The following EPG5 variants were observed in gnomAD, a reference collection of about 807,000 sequenced individuals.
EPG5 encodes ectopic P-granules 5 autophagy tethering factor.
Under a neutral mutation model 302.7 loss-of-function variants are expected in EPG5, and 159 were observed. The ratio of observed to expected loss-of-function variants is 0.53; its 90% CI spans 0.46 to 0.60. The LOEUF is 0.60. EPG5 is among the 20% of genes least tolerant of loss of function. The pLI is 0.00. For synonymous variants in EPG5, 1,158 were observed against 1,136.8 expected, an observed-to-expected ratio of 1.02 and a Z score of -0.37; for missense variants, 2,896 against 3,092.4, an observed-to-expected ratio of 0.94 and a Z score of 1.51.
At chr18:45,953,156 G>A in intron 2 of EPG5, 1 of 402,114 alleles carries the variant, frequency 2.5e-6, no homozygotes, top group Non-Finnish European at 3.4e-6. Flanking sequence ...CTGGGCGACA[G>A]AGCTAGACTC....
At chr18:45,917,069 T>C (rs1000933196) in intron 17 of EPG5, among the ~76,000 whole-genome samples, 2 of 152,188 alleles carry the variant, frequency 1.3e-5, no homozygotes, top group African/African-American at 2.4e-5. Flanking sequence ...TTTGGGCAAA[T>C]TGGAGACATA....
chr18:45,814,375 TAA>T, the EPG5 span, among the ~76,000 whole-genome samples: 2 of 152,174 alleles, frequency 1.3e-5, no homozygotes, highest in Non-Finnish European at 2.9e-5. Context: ...TAAAGAAGAC[TAA>T]AGAGACTACA....
intron 14 of EPG5, among the ~76,000 whole-genome samples, chr18:45,923,696 C>A (rs903855868): frequency 6.6e-6 from 1 of 152,136 alleles, no homozygotes; most frequent in African/African-American, 2.4e-5. Flanking sequence ...TCAAGGGCAA[C>A]GCCACAAACC....
chr18:45,877,258 T>A (rs8097625), intron 34 of EPG5, among the ~76,000 whole-genome samples: 152,059 of 152,108 alleles, frequency 1, 76,005 homozygotes, highest in Middle Eastern at 1. Flanking sequence ...AAATAAAAAT[T>A]AAAATTGAAA....
intron 1 of EPG5, among the ~76,000 whole-genome samples, chr18:45,963,009 T>G (rs2051180999): frequency 6.6e-6 from 1 of 152,122 alleles, no homozygotes; most frequent in Non-Finnish European, 1.5e-5. Flanking sequence ...TTCCTCTGAG[T>G]GACAAAGCTT....
intron 2 of EPG5, 119 bp from the exon 3 acceptor site, chr18:45,952,762 G>A: frequency 2.9e-6 from 3 of 1,048,048 alleles, no homozygotes; most frequent in Non-Finnish European, 2.8e-6. Flanking sequence ...TATAATCATG[G>A]TGAGGAGACA....
In EPG5 at chr18:45,858,016, G is replaced by A. The variant is rs770854534; in HGVS notation, c.7279C>T (p.Leu2427Phe). The change falls in exon 42 of 44, where the codon CTC becomes TTC. Residue 2427 changes from leucine (L) to phenylalanine (F), a missense_variant. Transcript: ENST00000282041. Reference sequence around the variant, plus strand: ...TTCTGCTCTGTCTGAATGAGGGAGAGCTGAAGGACTTGGTGCCACCACAAA... The same window carrying A: ...TTCTGCTCTGTCTGAATGAGGGAGAACTGAAGGACTTGGTGCCACCACAAA... ...LFLWWHQVLQ[L>F]SLIQTEQNDS... is the part of the protein sequence containing the mutation. The A allele has an allele frequency of 2.5e-6, 4 of 1,613,958 alleles. No individual in the cohort carries two copies. In the South Asian group the frequency reaches 3.3e-5, roughly 13 times the overall value.
chr18:45,908,706 T>C (rs1244147301), intron 23 of EPG5, among the ~76,000 whole-genome samples: 1 of 152,182 alleles, frequency 6.6e-6, no homozygotes, highest in Non-Finnish European at 1.5e-5. Context: ...ATTCCAGTAC[T>C]TTGGAAGGCC....
the EPG5 span, chr18:45,840,368 C>T: frequency 2.5e-4 from 265 of 1,075,650 alleles, 1 homozygote; most frequent in African/African-American, 3.9e-3. Flanking sequence ...TGACCAGGGG[C>T]TGGGCCTTCC....
chr18:45,917,947 T>A (rs1323149094), intron 16 of EPG5, 128 bp from the exon 17 acceptor site: 1 of 832,724 alleles, frequency 1.2e-6, no homozygotes, highest in Non-Finnish European at 1.8e-6. Context: ...TTATACCCAA[T>A]CTTCACACAG....
the EPG5 span, among the ~76,000 whole-genome samples, chr18:45,813,893 C>T: frequency 1.3e-5 from 2 of 151,376 alleles, no homozygotes; most frequent in South Asian, 2.1e-4. Context: ...TGCTGATGTA[C>T]CCTAGAACTT....
Position 45,904,037 on chromosome 18 carries a change from C to G in EPG5, c.4410G>C (p.Lys1470Asn), listed in dbSNP as rs761926136. The G allele has an allele frequency of 6.2e-7, 1 of 1,613,442 alleles. No homozygotes were observed. Among genetic ancestry groups the G allele is most frequent in the Non-Finnish European group, 8.5e-7 (1 of 1,179,914 alleles). Residue 1470 changes from lysine (K) to asparagine (N), a missense_variant, in exon 25 of 44, where the codon AAG becomes AAC. Lys to Asn is a moderately conservative substitution (Grantham distance 94). Around this residue, in one of 5 missense-constraint regions of EPG5, gnomAD observed 790 missense variants for 798.0 expected, o/e 0.99. Coordinates refer to ENST00000282041, the MANE Select transcript of EPG5 (RefSeq NM_020964.3). ...TGCAGGGTGTGGAATGGGACTCAAG[C>G]TTGGCCTGTGTCCACAGACCAACAG... ...QETVGLWTQA[K>N]LESHSTPCSL...
At chr18:45,837,783 G>A in the EPG5 span, 1 of 1,523,762 alleles carries the variant, frequency 6.6e-7, no homozygotes, top group African/African-American at 1.4e-5. Flanking sequence ...CTCTCGCTGC[G>A]CGTCGAGCGC....
intron 11 of EPG5, among the ~76,000 whole-genome samples, chr18:45,931,725 C>T (rs1032410217): frequency 2.0e-5 from 3 of 152,130 alleles, no homozygotes; most frequent in Non-Finnish European, 2.9e-5. Context: ...GTCCCAGCTA[C>T]TCGGGAGACT....
intron 13 of EPG5, among the ~76,000 whole-genome samples, chr18:45,927,593 T>TACACACACACACACAC (rs67488772): frequency 4.5e-5 from 6 of 133,500 alleles, no homozygotes; most frequent in East Asian, 2.3e-4. Flanking sequence ...CAAAAAGTTA[T>TACACACACACACACAC]ACACACACAC....
At chr18:45,889,055 T>C (rs550380326) in intron 28 of EPG5, among the ~76,000 whole-genome samples, 1 of 152,272 alleles carries the variant, frequency 6.6e-6, no homozygotes, top group African/African-American at 2.4e-5. Context: ...CATCAACCTC[T>C]TGTTTGCCTG....
At chr18:45,833,084 T>C in the EPG5 span, among the ~76,000 whole-genome samples, 1 of 152,032 alleles carries the variant, frequency 6.6e-6, no homozygotes, top group Non-Finnish European at 1.5e-5. Flanking sequence ...AGACCTGCCA[T>C]TTGCAGCACA....
At chr18:45,812,102 A>G in the EPG5 span, among the ~76,000 whole-genome samples, 1 of 152,216 alleles carries the variant, frequency 6.6e-6, no homozygotes, top group South Asian at 2.1e-4. Flanking sequence ...CAAAAATCAC[A>G]AGCATTCTTA....
the EPG5 span, among the ~76,000 whole-genome samples, chr18:45,802,532 CA>C: frequency 8.2e-5 from 12 of 146,828 alleles, no homozygotes; most frequent in South Asian, 2.2e-4. Context: ...AAACAAAAAA[CA>C]AAAAAAAAAG....
Sources: allele counts gnomAD v4.1 joint callset (sites outside exome capture counted in the v4.1 genomes callset), GRCh38; gene constraint gnomAD v4.1.1; regional missense constraint gnomAD v4.1.1; transcripts MANE v1.5; gene names NCBI Gene and HGNC (gene_info 2026-07-23, HGNC 2026-07-21).